SLC24A3: variants seen among roughly 807,000 people sequenced by gnomAD.
SLC24A3 encodes sodium/potassium/calcium exchanger 3.
Under a neutral mutation model 75.8 loss-of-function variants are expected in SLC24A3, and 28 were observed. That is an observed-to-expected ratio of 0.37 (90% CI 0.27 to 0.51). SLC24A3 has a LOEUF of 0.51. SLC24A3 is among the 20% of genes least tolerant of loss of function. The pLI, the probability that SLC24A3 is intolerant of heterozygous loss-of-function variation, is 0.94. For synonymous variants in SLC24A3, 372 were observed against 334.1 expected (o/e 1.11, Z -1.24); for missense variants, 663 against 847.8 (o/e 0.78, Z 2.71).
intron 1 of SLC24A3, among the ~76,000 whole-genome samples, chr20:19,217,456 T>C (rs1005590782): frequency 2.0e-5 from 3 of 152,218 alleles, no homozygotes; most frequent in African/African-American, 7.2e-5. Context: ...CACAGACGTA[T>C]GTATGTATGC....
intron 2 of SLC24A3, among the ~76,000 whole-genome samples, chr20:19,359,395 C>G (rs1485429319): frequency 6.6e-6 from 1 of 152,174 alleles, no homozygotes; most frequent in Non-Finnish European, 1.5e-5. Context: ...TACCTTCTCT[C>G]CCCACTGAGG....
At chr20:19,444,242 T>C (rs1206804498) in intron 2 of SLC24A3, among the ~76,000 whole-genome samples, 2 of 152,196 alleles carry the variant, frequency 1.3e-5, no homozygotes, top group African/African-American at 2.4e-5. Flanking sequence ...GCTGATATTT[T>C]GTTGAGGATT....
chr20:19,499,912 GC>G (rs1273697721), intron 2 of SLC24A3, among the ~76,000 whole-genome samples: 1 of 152,130 alleles, frequency 6.6e-6, no homozygotes, highest in Non-Finnish European at 1.5e-5. Flanking sequence ...TCCAGTTTGT[GC>G]ATTTGTGTGT....
At chr20:19,485,770 A>T in intron 2 of SLC24A3, among the ~76,000 whole-genome samples, 1 of 152,118 alleles carries the variant, frequency 6.6e-6, no homozygotes, top group East Asian at 1.9e-4. Context: ...CCCAAAACAC[A>T]CCTGCTCCAA....
intron 1 of SLC24A3, among the ~76,000 whole-genome samples, chr20:19,224,570 A>G (rs1214778321): frequency 6.6e-6 from 1 of 152,152 alleles, no homozygotes; most frequent in East Asian, 1.9e-4. Flanking sequence ...TCATTTGCAC[A>G]ATATTTCTGA....
At chr20:19,349,080 T>C (rs1985504666) in intron 2 of SLC24A3, among the ~76,000 whole-genome samples, 1 of 152,200 alleles carries the variant, frequency 6.6e-6, no homozygotes, top group Non-Finnish European at 1.5e-5. Context: ...AGCCCAGCAA[T>C]ACATAATTAC....
chr20:19,347,218 G>A (rs1447717157), intron 2 of SLC24A3, among the ~76,000 whole-genome samples: 1 of 152,180 alleles, frequency 6.6e-6, no homozygotes, highest in East Asian at 1.9e-4. Flanking sequence ...TCCAGGGGTA[G>A]GGAGGAAGGA....
chr20:19,678,545 G>A (rs1311109827), intron 9 of SLC24A3, among the ~76,000 whole-genome samples: 1 of 144,660 alleles, frequency 6.9e-6, no homozygotes, highest in African/African-American at 2.6e-5. Context: ...GGACGGGGCG[G>A]CTGGCCGGGC....
Position 19,413,846 on chromosome 20 carries a change from C to G in SLC24A3, c.272-101642C>G, listed in dbSNP as rs531004350. On this transcript the variant is annotated intron_variant, in intron 2 of 16. Coordinates refer to ENST00000328041, the MANE Select transcript of SLC24A3 (RefSeq NM_020689.4). ...GACGTAATAACATTTTAAAATTTCT[C>G]TTTATAATGTTATCTCATGAGCAAA... is the stretch of plus-strand genomic sequence containing the variant. Among the ~76,000 whole-genome samples, 8 of 152,222 alleles carry G rather than the reference C, an allele frequency of 5.3e-5. No homozygotes were observed. In the South Asian group the frequency reaches 1.7e-3, roughly 32 times the overall value.
chr20:19,349,433 C>T (rs73286662), intron 2 of SLC24A3, among the ~76,000 whole-genome samples: 17,173 of 152,148 alleles, frequency 0.11, 2,596 homozygotes, highest in African/African-American at 0.35. Context: ...ATTGCCTGAA[C>T]CTGAATCTCT....
intron 1 of SLC24A3, among the ~76,000 whole-genome samples, chr20:19,248,785 G>A (rs895474458): frequency 3.3e-5 from 5 of 151,764 alleles, no homozygotes; most frequent in African/African-American, 1.2e-4. Flanking sequence ...AAGAGAAGGT[G>A]GTGTATATAT....
intron 1 of SLC24A3, among the ~76,000 whole-genome samples, chr20:19,256,825 G>C (rs1199330946): frequency 4.0e-5 from 6 of 150,270 alleles, no homozygotes; most frequent in African/African-American, 1.5e-4. Flanking sequence ...TATTGATAAA[G>C]CTGATAAAAT....
chr20:19,565,039 C>T (rs1430452755), intron 3 of SLC24A3, among the ~76,000 whole-genome samples: 1 of 152,206 alleles, frequency 6.6e-6, no homozygotes, highest in African/African-American at 2.4e-5. Context: ...CTCCTGACCT[C>T]AGGTGATCCA....
At chr20:19,257,017 G>A (rs1329649305) in intron 1 of SLC24A3, among the ~76,000 whole-genome samples, 1 of 152,022 alleles carries the variant, frequency 6.6e-6, no homozygotes, top group East Asian at 1.9e-4. Context: ...CCTCTCTAAG[G>A]ACCTTCCTAG....
At chr20:19,455,859 G>A (rs1315991862) in intron 2 of SLC24A3, among the ~76,000 whole-genome samples, 1 of 152,232 alleles carries the variant, frequency 6.6e-6, no homozygotes, top group African/African-American at 2.4e-5. Flanking sequence ...CTACTTGGTT[G>A]AGAGGCTAAA....
chr20:19,410,618 T>C lies in SLC24A3; in HGVS notation c.272-104870T>C, dbSNP rs559345092. 6.6e-5 allele frequency among the ~76,000 whole-genome samples: 10 copies of C among 152,284 alleles called. No individual in the cohort carries two copies. The South Asian group carries it at 1.7e-3, about 25-fold the overall frequency. ...AGCGTGGTTCTCTCGGGGAGGTCTC[T>C]GGATTCCAAAAAGCCGAAACCACAT... On this transcript the variant is annotated intron_variant, in intron 2 of 16. Coordinates refer to ENST00000328041, the MANE Select transcript of SLC24A3 (RefSeq NM_020689.4).
At chr20:19,474,090 A>T (rs1402562279) in intron 2 of SLC24A3, among the ~76,000 whole-genome samples, 1 of 152,250 alleles carries the variant, frequency 6.6e-6, no homozygotes, top group Non-Finnish European at 1.5e-5. Context: ...AGCTCGCTTC[A>T]TAAAGCCTGT....
chr20:19,684,446 C>G (rs1249274049), intron 11 of SLC24A3, 110 bp downstream of exon 11: 1 of 1,233,898 alleles, frequency 8.1e-7, no homozygotes, highest in African/African-American at 1.5e-5. Flanking sequence ...AGTTTAACAC[C>G]GCAGCATCCC....
intron 2 of SLC24A3, among the ~76,000 whole-genome samples, chr20:19,470,436 CAG>C (rs1055583855): frequency 6.6e-6 from 1 of 152,168 alleles, no homozygotes; most frequent in African/African-American, 2.4e-5. Flanking sequence ...CAAGAATCAA[CAG>C]AGTGTTCTTC....
Sources: allele counts gnomAD v4.1 joint callset (sites outside exome capture counted in the v4.1 genomes callset), GRCh38; gene constraint gnomAD v4.1.1; transcripts MANE v1.5; gene names NCBI Gene and HGNC (gene_info 2026-07-23, HGNC 2026-07-21).